PHKB: variants seen among roughly 807,000 people sequenced by gnomAD.
PHKB encodes the protein phosphorylase kinase regulatory subunit beta.
Under a neutral mutation model 152.1 loss-of-function variants are expected in PHKB, and 122 were observed. The observed-to-expected ratio is 0.80, with a 90% CI of 0.69 to 0.93. The LOEUF is 0.93. Ranked by LOEUF, PHKB falls within the 40% of genes least tolerant of loss-of-function variation. The pLI, the probability that PHKB is intolerant of heterozygous loss-of-function variation, is 0.00. For synonymous variants in PHKB, 436 were observed against 464.9 expected (o/e 0.94, Z 0.80); for missense variants, 1,304 against 1,328.4 (o/e 0.98, Z 0.29).
intron 12 of PHKB, among the ~76,000 whole-genome samples, chr16:47,595,078 C>T (rs1239457188): frequency 2.6e-5 from 4 of 152,116 alleles, no homozygotes; most frequent in Non-Finnish European, 5.9e-5. Flanking sequence ...TGTCTTTATG[C>T]TACAAATAAT....
intron 1 of PHKB, among the ~76,000 whole-genome samples, chr16:47,478,925 A>G (rs1217338800): frequency 6.6e-6 from 1 of 152,210 alleles, no homozygotes; most frequent in Non-Finnish European, 1.5e-5. Context: ...GACCAAAATA[A>G]TGAATGTATT....
Position 47,676,828 on chromosome 16 carries a change from A to G in PHKB, c.2630+7411A>G, listed in dbSNP as rs149035781. On this transcript the variant is annotated intron_variant, in intron 26 of 30. Coordinates refer to ENST00000323584, the MANE Select transcript of PHKB (RefSeq NM_000293.3). The stretch of plus-strand genomic sequence containing the variant: ...AATAGATCAAGTTCCTGACAGGCCC[A>G]TTACTGTAAAGACCTCCAATCAACT... Among the ~76,000 whole-genome samples the G allele has an allele frequency of 2.3e-3, 351 of 152,322 alleles. 1 individual carries two copies. Among genetic ancestry groups the G allele is most frequent in the Non-Finnish European group, 3.5e-3 (235 of 68,032 alleles).
At chr16:47,489,645 G>A (rs1299470852) in intron 1 of PHKB, among the ~76,000 whole-genome samples, 4 of 152,156 alleles carry the variant, frequency 2.6e-5, no homozygotes, top group African/African-American at 7.2e-5. Context: ...CTTGGAGTTC[G>A]TAGGCCTGTT....
chr16:47,693,299 AT>A, intron 27 of PHKB, 78 bp from the exon 28 acceptor site: 1 of 1,422,590 alleles, frequency 7.0e-7, no homozygotes, highest in East Asian at 2.3e-5. Context: ...TATCAGAACA[AT>A]TAGTTCATAT....
chr16:47,513,142 G>T (rs1043156595), intron 5 of PHKB, among the ~76,000 whole-genome samples: 4 of 152,230 alleles, frequency 2.6e-5, no homozygotes, highest in Admixed American at 6.5e-5. Context: ...TCAGTGCTTG[G>T]CACATAGTTG....
rs16945401 is a variant in PHKB, at chr16:47,538,317, A to G, written c.595-9116A>G. 6.6e-4 allele frequency among the ~76,000 whole-genome samples: 101 copies of G among 152,376 alleles called. No homozygotes were observed. In the East Asian group the frequency reaches 0.013, roughly 19 times the overall value. On this transcript the variant is annotated intron_variant, in intron 6 of 30. Transcript: ENST00000323584. ...ATGAAAGTGAGCAGGTTGTTTACAC[A>G]GGAAGGTTTCCCTTAAGGTATATAG...
At chr16:47,484,582 T>G (rs1490358606) in intron 1 of PHKB, among the ~76,000 whole-genome samples, 1 of 152,186 alleles carries the variant, frequency 6.6e-6, no homozygotes, top group Non-Finnish European at 1.5e-5. Flanking sequence ...AGCATTTTTT[T>G]TGGTGAGGTT....
In PHKB at chr16:47,553,551, A is replaced by G. The variant is rs148084932; in HGVS notation, c.710+6003A>G. Among the ~76,000 whole-genome samples, 1,147 of 152,200 alleles carry G rather than the reference A, an allele frequency of 7.5e-3. 18 individuals are homozygous for G. Among genetic ancestry groups the G allele is most frequent in the African/African-American group, 0.026 (1,087 of 41,538 alleles). The stretch of plus-strand genomic sequence containing the variant: ...GCCTACTTCTGTCAGTTCATCAAAC[A>G]TTCTCCATCCAGTTTTGTTCCCTTG... On this transcript the variant is annotated intron_variant, in intron 7 of 30. Transcript: ENST00000323584.
intron 13 of PHKB, among the ~76,000 whole-genome samples, chr16:47,608,068 A>G (rs745450435): frequency 1.3e-5 from 2 of 149,820 alleles, no homozygotes; most frequent in Non-Finnish European, 3.0e-5. Flanking sequence ...TGAATTCTTT[A>G]TATCTTCTAG....
chr16:47,669,066 T>C (rs1973589522), intron 25 of PHKB, 149 bp from the exon 26 acceptor site: 1 of 646,150 alleles, frequency 1.5e-6, no homozygotes, highest in Admixed American at 2.6e-5. Flanking sequence ...AAAGCCATTT[T>C]AATAAATACC....
intron 6 of PHKB, among the ~76,000 whole-genome samples, chr16:47,521,544 A>C (rs776850466): frequency 2.6e-5 from 4 of 152,130 alleles, no homozygotes; most frequent in Admixed American, 6.5e-5. Flanking sequence ...AATCCCAGCT[A>C]CTGGAGAGGC....
intron 13 of PHKB, among the ~76,000 whole-genome samples, chr16:47,596,929 A>T (rs1433459678): frequency 1.3e-5 from 2 of 152,136 alleles, no homozygotes; most frequent in African/African-American, 4.8e-5. Flanking sequence ...GTCATCTCAA[A>T]GTTCTTTTCT....
At position 47,575,999 on chromosome 16, in the gene PHKB, C is replaced by T. The variant is rs549586996; in HGVS notation, c.711-4296C>T. ...GCTGAGGCAGGAGAATCACTTGAACCCGGGAGGCGGAGGTTGTGGTGAGCC... is the reference window on the plus strand; with the variant it reads ...GCTGAGGCAGGAGAATCACTTGAACTCGGGAGGCGGAGGTTGTGGTGAGCC... On this transcript the variant is annotated intron_variant, in intron 7 of 30. Coordinates refer to ENST00000323584, the MANE Select transcript of PHKB (RefSeq NM_000293.3). 9.9e-5 allele frequency among the ~76,000 whole-genome samples: 15 copies of T among 152,232 alleles called. No individual in the cohort carries two copies. The East Asian group carries it at 2.9e-3, about 29-fold the overall frequency.
At chr16:47,582,877 A>G (rs970102217) in intron 8 of PHKB, among the ~76,000 whole-genome samples, 2 of 152,108 alleles carry the variant, frequency 1.3e-5, no homozygotes, top group Non-Finnish European at 2.9e-5. Context: ...GCTCACTGCA[A>G]TCTCCACCTC....
intron 14 of PHKB, among the ~76,000 whole-genome samples, chr16:47,616,481 TTAA>T (rs1972516250): frequency 6.9e-6 from 1 of 145,934 alleles, no homozygotes; most frequent in Non-Finnish European, 1.5e-5. Flanking sequence ...AATATATCAA[TTAA>T]TATATATTTT....
chr16:47,518,407 C>A (rs1009832143), intron 6 of PHKB, among the ~76,000 whole-genome samples: 1 of 152,054 alleles, frequency 6.6e-6, no homozygotes, highest in Admixed American at 6.6e-5. Context: ...AAATTTGTAT[C>A]TATACTGTAG....
At chr16:47,686,099 A>C (rs1416018481) in intron 26 of PHKB, among the ~76,000 whole-genome samples, 1 of 152,074 alleles carries the variant, frequency 6.6e-6, no homozygotes, top group Non-Finnish European at 1.5e-5. Context: ...TGAGTGAAAA[A>C]CCTGCTTCCT....
At chr16:47,466,541 C>T (rs1338124427) in intron 1 of PHKB, among the ~76,000 whole-genome samples, 1 of 152,144 alleles carries the variant, frequency 6.6e-6, no homozygotes, top group Non-Finnish European at 1.5e-5. Flanking sequence ...TTTATAATGG[C>T]TCATGAGCTT....
intron 4 of PHKB, among the ~76,000 whole-genome samples, chr16:47,509,998 A>G (rs1970482861): frequency 1.3e-5 from 2 of 152,198 alleles, no homozygotes; most frequent in South Asian, 2.1e-4. Context: ...TGGTGTCAAT[A>G]CTTTGTTATA....
Sources: allele counts gnomAD v4.1 joint callset (sites outside exome capture counted in the v4.1 genomes callset), GRCh38; gene constraint gnomAD v4.1.1; transcripts MANE v1.5; gene names NCBI Gene and HGNC (gene_info 2026-07-23, HGNC 2026-07-21).